RAPGEF2: variants seen among roughly 807,000 people sequenced by gnomAD.
RAPGEF2 encodes PDZ domain containing guanine nucleotide exchange factor (GEF) 1.
A neutral mutation model predicts 186.7 loss-of-function variants in RAPGEF2; 54 were observed. The ratio of observed to expected loss-of-function variants is 0.29; its 90% CI spans 0.23 to 0.36. RAPGEF2 has a LOEUF of 0.36. Among genes scored for constraint, RAPGEF2 ranks in the 10% least tolerant of loss-of-function variants. RAPGEF2 has a pLI of 1.00. For missense variants in RAPGEF2, 1,532 were observed against 2,045.0 expected, an observed-to-expected ratio of 0.75 and a Z score of 4.84; for synonymous variants, 712 against 705.9, an observed-to-expected ratio of 1.01 and a Z score of -0.14.
intron 1 of RAPGEF2, among the ~76,000 whole-genome samples, chr4:159,171,366 T>G (rs1338427858): frequency 6.6e-6 from 1 of 152,188 alleles, no homozygotes; most frequent in Non-Finnish European, 1.5e-5. Context: ...TAGAAAATCT[T>G]AGATACTCTT....
At chr4:159,243,335 A>G (rs963378976) in intron 6 of RAPGEF2, among the ~76,000 whole-genome samples, 3 of 152,006 alleles carry the variant, frequency 2.0e-5, no homozygotes, top group East Asian at 3.9e-4. Flanking sequence ...AAATAACATT[A>G]TAATTTATTA....
chr4:159,180,509 C>A (rs1400301913), intron 1 of RAPGEF2, among the ~76,000 whole-genome samples: 3 of 152,166 alleles, frequency 2.0e-5, no homozygotes, highest in African/African-American at 7.2e-5. Context: ...ATAATGTAGT[C>A]TTTTCCCCTA....
chr4:159,179,867 C>T (rs1746829417), intron 1 of RAPGEF2, among the ~76,000 whole-genome samples: 1 of 152,150 alleles, frequency 6.6e-6, no homozygotes, highest in Non-Finnish European at 1.5e-5. Context: ...TCTCATACCA[C>T]TTAGAGGTTT....
At chr4:159,146,385 A>G (rs1419606701) in intron 1 of RAPGEF2, among the ~76,000 whole-genome samples, 1 of 148,918 alleles carries the variant, frequency 6.7e-6, no homozygotes, top group Non-Finnish European at 1.5e-5. Context: ...CTTTTGGTGC[A>G]TTGTAGGGAT....
intron 1 of RAPGEF2, among the ~76,000 whole-genome samples, chr4:159,178,850 C>T (rs10434160): frequency 9.9e-5 from 15 of 152,206 alleles, no homozygotes; most frequent in African/African-American, 2.6e-4. Context: ...TGAGCCACCA[C>T]GCCTGACCTA....
intron 7 of RAPGEF2, among the ~76,000 whole-genome samples, chr4:159,264,471 A>G (rs1322348443): frequency 6.6e-6 from 1 of 152,194 alleles, no homozygotes; most frequent in Non-Finnish European, 1.5e-5. Flanking sequence ...CTTAACCTTG[A>G]GAGGAGTGTT....
intron 2 of RAPGEF2, among the ~76,000 whole-genome samples, chr4:159,189,325 T>C (rs1489182316): frequency 2.0e-5 from 3 of 152,230 alleles, no homozygotes; most frequent in Admixed American, 2.0e-4. Context: ...GACATTACTG[T>C]GTTGCTGTAA....
chr4:159,309,945 A>G (rs1157689012), intron 8 of RAPGEF2, among the ~76,000 whole-genome samples: 2 of 148,432 alleles, frequency 1.3e-5, no homozygotes, highest in East Asian at 1.9e-4. Flanking sequence ...TATCATAATT[A>G]AAATAAATTC....
chr4:159,351,574 A>G (rs1561336789), intron 26 of RAPGEF2, among the ~76,000 whole-genome samples: 1 of 152,228 alleles, frequency 6.6e-6, no homozygotes, highest in Non-Finnish European at 1.5e-5. Context: ...ATATTTAAGT[A>G]ACATGAGATC....
chr4:159,275,024 T>C (rs1758650997), intron 7 of RAPGEF2, among the ~76,000 whole-genome samples: 1 of 150,774 alleles, frequency 6.6e-6, no homozygotes. Flanking sequence ...AACATAGGCC[T>C]TATATGTAGT....
chr4:159,241,126 A>T (rs1226626112), intron 5 of RAPGEF2, 75 bp from the exon 6 acceptor site: 1 of 1,188,194 alleles, frequency 8.4e-7, no homozygotes, highest in Non-Finnish European at 1.1e-6. Flanking sequence ...GTTATCTGTA[A>T]GTTTCTTTCT....
intron 7 of RAPGEF2, among the ~76,000 whole-genome samples, chr4:159,259,765 T>C (rs1445063231): frequency 6.6e-6 from 1 of 152,052 alleles, no homozygotes; most frequent in Non-Finnish European, 1.5e-5. Flanking sequence ...CCAGAAAATG[T>C]TGGAAGTGTT....
chr4:159,210,826 C>A (rs749726724), intron 4 of RAPGEF2, among the ~76,000 whole-genome samples: 32 of 152,124 alleles, frequency 2.1e-4, no homozygotes, highest in Admixed American at 5.2e-4. Context: ...GTTACATGAT[C>A]ATGTCAGCTG....
chr4:159,354,351 A>G lies in RAPGEF2; in HGVS notation c.4651+305A>G, dbSNP rs145352716. Among the ~76,000 whole-genome samples the G allele has an allele frequency of 3.2e-3, 483 of 152,304 alleles. 2 individuals carry two copies. Among genetic ancestry groups the G allele is most frequent in the African/African-American group, 0.011 (451 of 41,562 alleles). ...CTAATTTTTTTCTCTTAACCTGAAAATCAGGATGGATTCCTATTATTCATA... is the reference window on the plus strand; with the variant it reads ...CTAATTTTTTTCTCTTAACCTGAAAGTCAGGATGGATTCCTATTATTCATA... On this transcript the variant is annotated intron_variant, in intron 28 of 29. Transcript: ENST00000691494.
chr4:159,211,043 T>G (rs182273782), intron 4 of RAPGEF2, among the ~76,000 whole-genome samples: 4 of 152,342 alleles, frequency 2.6e-5, no homozygotes, highest in Admixed American at 2.6e-4. Context: ...GGCCTTTCAT[T>G]TTTGCATTTG....
chr4:159,164,618 T>C (rs1359902289), intron 1 of RAPGEF2, among the ~76,000 whole-genome samples: 1 of 152,090 alleles, frequency 6.6e-6, no homozygotes, highest in Non-Finnish European at 1.5e-5. Flanking sequence ...TGGCATATAA[T>C]AGGTAGTTAT....
At chr4:159,355,216 T>G (rs1731795763) in intron 28 of RAPGEF2, among the ~76,000 whole-genome samples, 1 of 152,208 alleles carries the variant, frequency 6.6e-6, no homozygotes, top group South Asian at 2.1e-4. Context: ...GGTTTCATAT[T>G]CTAGGTCATG....
chr4:159,118,247 A>G (rs901603616), intron 1 of RAPGEF2, among the ~76,000 whole-genome samples: 1 of 152,190 alleles, frequency 6.6e-6, no homozygotes, highest in Non-Finnish European at 1.5e-5. Context: ...AGATTCTCAT[A>G]GGAGCACAAA....
Position 159,345,191 on chromosome 4 carries a change from T to C in RAPGEF2, c.3364T>C (p.Phe1122Leu), listed in dbSNP as rs1275770653. The change falls in exon 24 of 30, where the codon TTT becomes CTT. Residue 1122 changes from phenylalanine to leucine, a missense_variant. By Grantham distance (22) the Phe-to-Leu change is conservative. Coordinates refer to ENST00000691494, the MANE Select transcript of RAPGEF2 (RefSeq NM_001394067.2). ...TAAAAAGCGGGTACGTCGTAGTTCCTTTCTCAATGCCAAAAAGCTTTATGA... is the reference window on the plus strand; with the variant it reads ...TAAAAAGCGGGTACGTCGTAGTTCCCTTCTCAATGCCAAAAAGCTTTATGA... ...GHKKRVRRSS[F>L]LNAKKLYEDA... is the part of the protein sequence containing the mutation. 2 of 1,614,202 alleles carry C rather than the reference T, an allele frequency of 1.2e-6. No homozygotes were observed. Among genetic ancestry groups the C allele is most frequent in the East Asian group, 4.5e-5 (2 of 44,886 alleles).
Sources: allele counts gnomAD v4.1 joint callset (sites outside exome capture counted in the v4.1 genomes callset), GRCh38; gene constraint gnomAD v4.1.1; transcripts MANE v1.5; gene names NCBI Gene and HGNC (gene_info 2026-07-23, HGNC 2026-07-21).